The following DISC1 variants were observed in gnomAD, a reference collection of about 807,000 sequenced individuals.
The protein encoded by DISC1 is DISC1 scaffold protein.
Under a neutral mutation model 84.5 loss-of-function variants are expected in DISC1, and 57 were observed. That is an observed-to-expected ratio of 0.67 (90% CI 0.55 to 0.84). The LOEUF (loss-of-function observed/expected upper bound fraction) is 0.84. Ranked by LOEUF, DISC1 falls within the 40% of genes least tolerant of loss-of-function variation. The probability of loss-of-function intolerance (pLI) is 0.00; values close to 1 mark genes in which losing one functional copy is unlikely to be tolerated. For missense variants in DISC1, 1,000 were observed against 1,057.8 expected (o/e 0.95, Z 0.76); for synonymous variants, 411 against 415.2 (o/e 0.99, Z 0.12).
At chr1:231,763,510 C>A (rs763357757) in intron 4 of DISC1, among the ~76,000 whole-genome samples, 2 of 152,184 alleles carry the variant, frequency 1.3e-5, no homozygotes, top group African/African-American at 2.4e-5. Context: ...AGAATCCGAT[C>A]TTTTTGGTAG....
chr1:231,632,323 AT>A (rs2058781049), intron 1 of DISC1, among the ~76,000 whole-genome samples: 1 of 152,188 alleles, frequency 6.6e-6, no homozygotes, highest in Admixed American at 6.5e-5. Flanking sequence ...CTTCAGGTTA[AT>A]TTTCCAGCCA....
At chr1:231,678,539 GAACTTTTCCCC>G in intron 1 of DISC1, among the ~76,000 whole-genome samples, 1 of 152,264 alleles carries the variant, frequency 6.6e-6, no homozygotes, top group Middle Eastern at 3.4e-3. Context: ...ATATTAGAAT[GAACTTTTCCCC>G]AGATGAGAAA....
intron 1 of DISC1, among the ~76,000 whole-genome samples, chr1:231,646,966 C>T (rs1211751122): frequency 6.6e-6 from 1 of 152,066 alleles, no homozygotes; most frequent in Non-Finnish European, 1.5e-5. Context: ...GATATTAGCC[C>T]TTTGTCAGAT....
At chr1:231,948,803 T>G (rs937197462) in intron 9 of DISC1, among the ~76,000 whole-genome samples, 9 of 151,462 alleles carry the variant, frequency 5.9e-5, no homozygotes, top group African/African-American at 1.7e-4. Flanking sequence ...CTTGGGCAGG[T>G]CCAAGGGCTA....
At chr1:231,894,715 C>A (rs2087542336) in intron 9 of DISC1, among the ~76,000 whole-genome samples, 1 of 151,080 alleles carries the variant, frequency 6.6e-6, no homozygotes, top group African/African-American at 2.4e-5. Context: ...CTAATAGCAT[C>A]ATGACCTCTA....
chr1:231,762,208 C>T (rs1292521701), intron 4 of DISC1, among the ~76,000 whole-genome samples: 3 of 101,924 alleles, frequency 2.9e-5, no homozygotes, highest in Admixed American at 1.1e-4. Flanking sequence ...CTTTTCTTTT[C>T]TTTTCTCTTC....
chr1:231,685,853 G>A (rs1362012789), intron 1 of DISC1, among the ~76,000 whole-genome samples: 1 of 152,180 alleles, frequency 6.6e-6, no homozygotes, highest in South Asian at 2.1e-4. Context: ...AAGCAAGTTA[G>A]TTACTTCCTA....
At position 231,702,374 on chromosome 1, in the gene DISC1, A is replaced by G. The variant is rs2066531210; in HGVS notation, c.1117+350A>G. The G allele has an allele frequency of 2.9e-6, 3 of 1,028,392 alleles. No individual in the cohort carries two copies. In the East Asian group the frequency reaches 3.1e-4, roughly 107 times the overall value. The allele number at this position is 1,028,392 out of a possible 1,614,324, so 63.7% of individuals were successfully genotyped here. On this transcript the variant is annotated intron_variant, in intron 3 of 12. Coordinates refer to ENST00000439617, the MANE Select transcript of DISC1 (RefSeq NM_018662.3). ...ATTCGTCTGACACCTATGATATGCT[A>G]GGGAATATGGGAGACAATAGGAAAG...
At position 231,948,951 on chromosome 1, in the gene DISC1, C is replaced by A. The variant is rs554702790; in HGVS notation, c.1982-9877C>A. ...GTGGTGCGATCTCGGCTCACTGCAA[C>A]CTCCGCCTCCTGGGTTCAAGCGATT... On this transcript the variant is annotated intron_variant, in intron 9 of 12. Transcript: ENST00000439617. Among the ~76,000 whole-genome samples, 14 of 148,238 alleles carry A rather than the reference C, an allele frequency of 9.4e-5. No homozygotes were observed. The South Asian group carries it at 2.8e-3, about 30-fold the overall frequency.
chr1:231,626,991 C>T, intron 1 of DISC1, 57 bp downstream of exon 1: 1 of 1,252,032 alleles, frequency 8.0e-7, no homozygotes, highest in Non-Finnish European at 1.1e-6. Flanking sequence ...GCAAGGAGGG[C>T]GCGCTCTGGC....
intron 1 of DISC1, among the ~76,000 whole-genome samples, chr1:231,643,554 A>C (rs2059899420): frequency 6.6e-6 from 1 of 152,324 alleles, no homozygotes; most frequent in South Asian, 2.1e-4. Flanking sequence ...TCAGATGTGT[A>C]GAGTTTCAAG....
At chr1:231,852,404 T>C (rs2083957770) in intron 9 of DISC1, among the ~76,000 whole-genome samples, 1 of 152,220 alleles carries the variant, frequency 6.6e-6, no homozygotes, top group Non-Finnish European at 1.5e-5. Context: ...AAAGGTGATA[T>C]AGGAGAACTA....
At chr1:231,923,566 G>A (rs1383498992) in intron 9 of DISC1, among the ~76,000 whole-genome samples, 1 of 152,150 alleles carries the variant, frequency 6.6e-6, no homozygotes, top group Non-Finnish European at 1.5e-5. Context: ...TGCCGTAGGC[G>A]GATATTACCT....
chr1:231,784,440 AAG>A (rs1458790163), intron 6 of DISC1, among the ~76,000 whole-genome samples: 1 of 152,190 alleles, frequency 6.6e-6, no homozygotes, highest in Non-Finnish European at 1.5e-5. Context: ...TATTCAGAGA[AAG>A]AGTCAAATAA....
intron 9 of DISC1, among the ~76,000 whole-genome samples, chr1:231,950,204 CTGTGTGTGTGTGTG>C (rs59801477): frequency 0.016 from 2,267 of 139,514 alleles, 30 homozygotes; most frequent in Middle Eastern, 0.021. Flanking sequence ...AAAAAAAATT[CTGTGTGTGTGTGTG>C]TGTGTGTGTG....
chr1:231,670,182 G>A (rs2062462145), intron 1 of DISC1, among the ~76,000 whole-genome samples: 2 of 152,002 alleles, frequency 1.3e-5, no homozygotes, highest in South Asian at 4.1e-4. Flanking sequence ...ACATATAGAG[G>A]GGAACAATGC....
At chr1:231,857,319 C>T (rs980372711) in intron 9 of DISC1, among the ~76,000 whole-genome samples, 1 of 152,174 alleles carries the variant, frequency 6.6e-6, no homozygotes, top group East Asian at 1.9e-4. Flanking sequence ...TCACACATTT[C>T]GAAGTCATGT....
At chr1:231,649,256 G>C (rs2060408734) in intron 1 of DISC1, among the ~76,000 whole-genome samples, 1 of 152,174 alleles carries the variant, frequency 6.6e-6, no homozygotes, top group Non-Finnish European at 1.5e-5. Context: ...GGTATGTTGT[G>C]TCTTTGTTCG....
intron 9 of DISC1, among the ~76,000 whole-genome samples, chr1:231,937,901 T>C (rs1467439644): frequency 6.6e-6 from 1 of 152,126 alleles, no homozygotes; most frequent in Non-Finnish European, 1.5e-5. Context: ...CAAGCTTTCT[T>C]GGCAGCATCT....
Sources: gnomAD v4.1 joint callset for allele counts (sites outside exome capture counted in the v4.1 genomes callset) on GRCh38, gnomAD v4.1.1 for gene constraint, MANE v1.5 for transcripts, NCBI Gene and HGNC (gene_info 2026-07-23, HGNC 2026-07-21) for gene names.